CNTNAP5: variants seen among roughly 807,000 people sequenced by gnomAD.
CNTNAP5 encodes contactin-associated protein-like 5.
A neutral mutation model predicts 150.2 loss-of-function variants in CNTNAP5; 72 were observed. The observed-to-expected ratio is 0.48, with a 90% confidence interval of 0.40 to 0.58. CNTNAP5 has a LOEUF of 0.58. Among genes scored for constraint, CNTNAP5 ranks in the 20% least tolerant of loss-of-function variants. The probability of loss-of-function intolerance (pLI) is 0.00; values close to 1 mark genes in which losing one functional copy is unlikely to be tolerated. For synonymous variants in CNTNAP5, 672 were observed against 619.8 expected (o/e 1.08, Z -1.25); for missense variants, 1,636 against 1,626.2 (o/e 1.01, Z -0.10).
At chr2:124,309,358 A>G (rs1445170381) in intron 3 of CNTNAP5, among the ~76,000 whole-genome samples, 1 of 152,214 alleles carries the variant, frequency 6.6e-6, no homozygotes. Flanking sequence ...CCTGACATAT[A>G]CTACAGATAT....
intron 7 of CNTNAP5, among the ~76,000 whole-genome samples, chr2:124,482,931 T>A (rs1429438269): frequency 6.6e-6 from 1 of 152,238 alleles, no homozygotes; most frequent in African/African-American, 2.4e-5. Context: ...ATAATCAGTT[T>A]GTCCTACATA....
intron 3 of CNTNAP5, among the ~76,000 whole-genome samples, chr2:124,312,559 ATTTGTTTGTTTG>A (rs758725424): frequency 6.9e-6 from 1 of 144,648 alleles, no homozygotes; most frequent in African/African-American, 2.6e-5. Flanking sequence ...TTGTTTGTTT[ATTTGTTTGTTTG>A]TTTGTTTGTT....
At chr2:124,117,779 C>T (rs1683462621) in intron 1 of CNTNAP5, among the ~76,000 whole-genome samples, 1 of 152,110 alleles carries the variant, frequency 6.6e-6, no homozygotes, top group Admixed American at 6.6e-5. Context: ...TTCTGAGGCT[C>T]CACTTCCAGA....
intron 22 of CNTNAP5, among the ~76,000 whole-genome samples, chr2:124,907,084 G>A (rs1006388683): frequency 2.6e-5 from 4 of 152,080 alleles, no homozygotes; most frequent in African/African-American, 9.7e-5. Flanking sequence ...GGAAAAATAT[G>A]AACAGAGTTT....
rs569231840 is a variant in CNTNAP5 at position 124,517,065 on chromosome 2, G to A, written c.1328-7238G>A. Among the ~76,000 whole-genome samples the A allele has an allele frequency of 4.0e-4, 61 of 152,300 alleles. No individual in the cohort carries two copies. The Middle Eastern group carries it at 0.014, about 34-fold the overall frequency. On this transcript the variant is annotated intron_variant, in intron 8 of 23. Coordinates refer to ENST00000682447, the MANE Select transcript of CNTNAP5 (RefSeq NM_001367498.1). ...ATGGGGATTTGTAGTGTTGGTGATAGGGTTGTGCTGTTGGTAATGGAAGGT... is the reference window on the plus strand; with the variant it reads ...ATGGGGATTTGTAGTGTTGGTGATAAGGTTGTGCTGTTGGTAATGGAAGGT...
rs189988441 is a variant in CNTNAP5, at chr2:124,072,197, G to A, written c.82+46465G>A. Among the ~76,000 whole-genome samples, 254 of 151,832 alleles carry A rather than the reference G, an allele frequency of 1.7e-3. 2 individuals are homozygous for A. Among genetic ancestry groups the A allele is most frequent in the Non-Finnish European group, 3.0e-3 (203 of 67,800 alleles). On this transcript the variant is annotated intron_variant, in intron 1 of 23. Transcript: ENST00000682447. ...CACTGATTCATGATAAAATTCCTCAGGAACTGGGAATAGAAAGAACATACC... is the reference window on the plus strand; with the variant it reads ...CACTGATTCATGATAAAATTCCTCAAGAACTGGGAATAGAAAGAACATACC...
chr2:124,248,047 G>A (rs1002587158), intron 3 of CNTNAP5, among the ~76,000 whole-genome samples: 2 of 152,170 alleles, frequency 1.3e-5, no homozygotes, highest in South Asian at 2.1e-4. Flanking sequence ...GAATCTTGCT[G>A]CTGATTTAAT....
At chr2:124,864,637 A>T (rs1048744536) in intron 19 of CNTNAP5, among the ~76,000 whole-genome samples, 2 of 151,668 alleles carry the variant, frequency 1.3e-5, no homozygotes, top group Non-Finnish European at 2.9e-5. Flanking sequence ...GTCTCCTGGG[A>T]GTCTCATATG....
chr2:124,758,171 T>C (rs994850887), intron 14 of CNTNAP5, among the ~76,000 whole-genome samples: 2 of 151,968 alleles, frequency 1.3e-5, no homozygotes, highest in African/African-American at 4.8e-5. Context: ...AATGGAGAGA[T>C]ATGAAGAAGG....
chr2:124,796,126 A>C (rs1681841106), intron 18 of CNTNAP5, among the ~76,000 whole-genome samples: 1 of 152,200 alleles, frequency 6.6e-6, no homozygotes, highest in Admixed American at 6.5e-5. Context: ...AAAACAGACA[A>C]TATTTAAATA....
intron 13 of CNTNAP5, among the ~76,000 whole-genome samples, chr2:124,696,849 G>A (rs1573554007): frequency 6.6e-6 from 1 of 152,132 alleles, no homozygotes; most frequent in East Asian, 1.9e-4. Context: ...TCCAGGTTAA[G>A]ATTTGGTTCA....
At chr2:124,138,008 C>A (rs962259200) in intron 1 of CNTNAP5, among the ~76,000 whole-genome samples, 1 of 152,100 alleles carries the variant, frequency 6.6e-6, no homozygotes, top group African/African-American at 2.4e-5. Flanking sequence ...GGAGCATAAT[C>A]TTACCAAAAT....
intron 12 of CNTNAP5, among the ~76,000 whole-genome samples, chr2:124,634,685 A>T (rs1018141934): frequency 6.6e-6 from 1 of 151,738 alleles, no homozygotes; most frequent in Non-Finnish European, 1.5e-5. Flanking sequence ...TTTTTTTTTG[A>T]TAGAGATGGA....
chr2:124,263,927 T>C (rs992619409), intron 3 of CNTNAP5, among the ~76,000 whole-genome samples: 8 of 152,204 alleles, frequency 5.3e-5, no homozygotes, highest in African/African-American at 1.7e-4. Context: ...TTTCTTGTTT[T>C]TGTCAGGTTT....
intron 19 of CNTNAP5, among the ~76,000 whole-genome samples, chr2:124,814,394 T>C (rs531991772): frequency 6.6e-6 from 1 of 152,276 alleles, no homozygotes; most frequent in South Asian, 2.1e-4. Flanking sequence ...TGTATCAGTC[T>C]ATTACAGAAA....
chr2:124,788,807 A>G (rs989479763), intron 17 of CNTNAP5, among the ~76,000 whole-genome samples: 21 of 151,688 alleles, frequency 1.4e-4, no homozygotes, highest in African/African-American at 4.8e-4. Context: ...TAATTTTTGT[A>G]TTTTTAGTAG....
intron 1 of CNTNAP5, among the ~76,000 whole-genome samples, chr2:124,057,282 A>ATTTT (rs560714964): frequency 1.6e-5 from 2 of 125,726 alleles, no homozygotes; most frequent in Non-Finnish European, 3.3e-5. Context: ...TAACAAGTCC[A>ATTTT]TTTTTTTTTT....
At chr2:124,509,884 G>A (rs1694516957) in intron 8 of CNTNAP5, among the ~76,000 whole-genome samples, 3 of 152,080 alleles carry the variant, frequency 2.0e-5, no homozygotes, top group Admixed American at 2.0e-4. Context: ...ACACTAGATT[G>A]GAAGTCTGTT....
Position 124,764,008 on chromosome 2 carries a change from A to G in CNTNAP5, c.2394A>G (p.Thr798=). 1 of 1,613,048 alleles carries G rather than the reference A, an allele frequency of 6.2e-7. No individual in the cohort carries two copies. The highest frequency in any genetic ancestry group is 8.5e-7 in the Non-Finnish European group (1 of 1,179,412). Residue 798 remains threonine (T), a synonymous_variant, in exon 16 of 24, where the codon ACA becomes ACG. Coordinates refer to ENST00000682447, the MANE Select transcript of CNTNAP5 (RefSeq NM_001367498.1). Reference sequence around the variant, plus strand: ...TCTGGAACGCCGTCTCATTTTATACAGAAGCCTCTTACCTCCACTTTCCTA... The same window carrying G: ...TCTGGAACGCCGTCTCATTTTATACGGAAGCCTCTTACCTCCACTTTCCTA... ...RRFWNAVSFY[T]EASYLHFPTF...
Sources: allele counts gnomAD v4.1 joint callset (sites outside exome capture counted in the v4.1 genomes callset), GRCh38; gene constraint gnomAD v4.1.1; transcripts MANE v1.5; gene names NCBI Gene and HGNC (gene_info 2026-07-23, HGNC 2026-07-21).